Variants in ASIC2 observed in about 807,000 individuals in gnomAD.
ASIC2 encodes the protein acid sensing ion channel subunit 2, also known as acid-sensing ion channel 2.
ASIC2 carries 25 observed loss-of-function variants against 57.3 expected under a neutral mutation model. The ratio of observed to expected loss-of-function variants is 0.44; its 90% CI spans 0.32 to 0.61. The LOEUF is 0.61. Among genes scored for constraint, ASIC2 ranks in the 20% least tolerant of loss-of-function variants. The pLI is 0.06. For missense variants in ASIC2, 641 were observed against 738.1 expected, an observed-to-expected ratio of 0.87 and a Z score of 1.52; for synonymous variants, 319 against 307.5, an observed-to-expected ratio of 1.04 and a Z score of -0.39.
At chr17:33,340,685 T>C (rs1030152998) in intron 1 of ASIC2, among the ~76,000 whole-genome samples, 2 of 152,110 alleles carry the variant, frequency 1.3e-5, no homozygotes, top group Non-Finnish European at 1.5e-5. Flanking sequence ...GTGCTTATAA[T>C]CCTCAAATTA....
At chr17:34,110,749 G>A (rs1350622834) in intron 1 of ASIC2, among the ~76,000 whole-genome samples, 1 of 152,142 alleles carries the variant, frequency 6.6e-6, no homozygotes, top group Non-Finnish European at 1.5e-5. Flanking sequence ...ATATCCCATC[G>A]GTCCCTGGGT....
At chr17:34,060,128 T>C (rs1259196110) in intron 1 of ASIC2, among the ~76,000 whole-genome samples, 1 of 152,148 alleles carries the variant, frequency 6.6e-6, no homozygotes. Flanking sequence ...CAGGTGCTGG[T>C]ATCCACAGTT....
At chr17:33,927,980 A>G (rs573551100) in intron 1 of ASIC2, among the ~76,000 whole-genome samples, 6 of 152,292 alleles carry the variant, frequency 3.9e-5, no homozygotes, top group Non-Finnish European at 8.8e-5. Context: ...TTGTCCGCTA[A>G]TTTTGCTAAT....
chr17:33,018,815 T>A (rs954232164), intron 7 of ASIC2, among the ~76,000 whole-genome samples: 1 of 151,056 alleles, frequency 6.6e-6, no homozygotes, highest in African/African-American at 2.4e-5. Context: ...GGAAAGAGGT[T>A]TGGGAATTGG....
intron 1 of ASIC2, among the ~76,000 whole-genome samples, chr17:33,126,838 A>C: frequency 6.8e-6 from 1 of 147,376 alleles, no homozygotes; most frequent in Non-Finnish European, 1.5e-5. Context: ...CGAACCTCCC[A>C]GCAACCCTAC....
At chr17:33,734,207 CT>C (rs1909839632) in intron 1 of ASIC2, among the ~76,000 whole-genome samples, 1 of 151,918 alleles carries the variant, frequency 6.6e-6, no homozygotes, top group Non-Finnish European at 1.5e-5. Flanking sequence ...GAGGCCAGCC[CT>C]TCCTCCCATG....
intron 1 of ASIC2, among the ~76,000 whole-genome samples, chr17:33,853,892 A>G (rs550221223): frequency 3.9e-5 from 6 of 152,132 alleles, no homozygotes; most frequent in Non-Finnish European, 4.4e-5. Context: ...TAACCTTGAC[A>G]CCTTAAGTTC....
chr17:33,933,592 T>C (rs1915992844), intron 1 of ASIC2, among the ~76,000 whole-genome samples: 1 of 152,192 alleles, frequency 6.6e-6, no homozygotes, highest in African/African-American at 2.4e-5. Context: ...GGAAGTCACC[T>C]CTTCTAGGAC....
chr17:33,060,396 C>T (rs1015106311), intron 3 of ASIC2, among the ~76,000 whole-genome samples: 5 of 152,214 alleles, frequency 3.3e-5, no homozygotes, highest in African/African-American at 9.7e-5. Context: ...CCAGTTTTCC[C>T]AGCACCGTTT....
At chr17:34,098,561 T>A (rs987734399) in intron 1 of ASIC2, among the ~76,000 whole-genome samples, 1 of 152,196 alleles carries the variant, frequency 6.6e-6, no homozygotes, top group African/African-American at 2.4e-5. Flanking sequence ...AGGCTGGTGA[T>A]GCTTTTTCCC....
At chr17:33,413,466 C>T (rs569419362) in intron 1 of ASIC2, among the ~76,000 whole-genome samples, 63 of 152,304 alleles carry the variant, frequency 4.1e-4, no homozygotes, top group African/African-American at 1.4e-3. Flanking sequence ...CTGCCCACTT[C>T]TCTCCCTCTC....
chr17:33,126,701 G>A (rs564203165), intron 1 of ASIC2, among the ~76,000 whole-genome samples: 16 of 152,064 alleles, frequency 1.1e-4, no homozygotes, highest in East Asian at 2.0e-4. Flanking sequence ...CAGGAGAATC[G>A]CTTGAACCGG....
intron 1 of ASIC2, chr17:34,039,184 T>C: frequency 3.7e-6 from 6 of 1,614,030 alleles, no homozygotes; most frequent in Non-Finnish European, 5.1e-6. Flanking sequence ...TCCCTCCTTC[T>C]TCTCTAAGTC....
In ASIC2 at chr17:33,034,195, C is replaced by T. The variant is rs371757779; in HGVS notation, c.988-5803G>A. On this transcript the variant is annotated intron_variant, in intron 3 of 9. Transcript: ENST00000225823. Reference sequence around the variant, plus strand: ...TCTCCTTCTCCTCCTTCTTCTTTTTCTTCTTCTCCCTTCACTTGTCTGCAT... The same window carrying T: ...TCTCCTTCTCCTCCTTCTTCTTTTTTTTCTTCTCCCTTCACTTGTCTGCAT... 5.3e-5 allele frequency among the ~76,000 whole-genome samples: 8 copies of T among 152,302 alleles called. No individual in the cohort carries two copies. In the East Asian group the frequency reaches 1.4e-3, roughly 26 times the overall value.
intron 1 of ASIC2, among the ~76,000 whole-genome samples, chr17:33,779,809 C>T (rs1911392509): frequency 2.0e-5 from 3 of 152,142 alleles, no homozygotes; most frequent in Non-Finnish European, 4.4e-5. Flanking sequence ...ACTATTCCAA[C>T]TCATTTAATC....
chr17:33,643,601 C>T (rs185278707), intron 1 of ASIC2, among the ~76,000 whole-genome samples: 95 of 152,240 alleles, frequency 6.2e-4, no homozygotes, highest in African/African-American at 2.0e-3. Context: ...TTAGGAGAGT[C>T]GAAAAGAAAG....
intron 1 of ASIC2, among the ~76,000 whole-genome samples, chr17:33,629,131 T>A (rs573785459): frequency 9.8e-5 from 15 of 152,290 alleles, no homozygotes; most frequent in African/African-American, 3.6e-4. Context: ...TTTGACCCAG[T>A]ACATAAGCCC....
At chr17:33,765,633 C>G (rs1910913279) in intron 1 of ASIC2, among the ~76,000 whole-genome samples, 1 of 152,180 alleles carries the variant, frequency 6.6e-6, no homozygotes, top group Non-Finnish European at 1.5e-5. Context: ...AATCTGAACT[C>G]TAAGTTTCTT....
chr17:33,046,880 T>A (rs1598251728), intron 3 of ASIC2, among the ~76,000 whole-genome samples: 1 of 152,214 alleles, frequency 6.6e-6, no homozygotes, highest in East Asian at 1.9e-4. Flanking sequence ...GTCGTCAGAA[T>A]GAGCCCCAGT....
Sources: allele counts gnomAD v4.1 joint callset (sites outside exome capture counted in the v4.1 genomes callset), GRCh38; gene constraint gnomAD v4.1.1; transcripts MANE v1.5; gene names NCBI Gene and HGNC (gene_info 2026-07-23, HGNC 2026-07-21).